KIF1C: variants seen among roughly 807,000 people sequenced by gnomAD.
KIF1C encodes the protein kinesin family member 1C.
In KIF1C, 61 loss-of-function variants were observed where a neutral mutation model predicts 126.5. The ratio of observed to expected loss-of-function variants is 0.48; its 90% CI spans 0.39 to 0.60. KIF1C has a LOEUF of 0.60. Among genes scored for constraint, KIF1C ranks in the 20% least tolerant of loss-of-function variants. The probability of loss-of-function intolerance (pLI) is 0.00; values close to 1 mark genes in which losing one functional copy is unlikely to be tolerated. For synonymous variants in KIF1C, 640 were observed against 580.6 expected (o/e 1.10, Z -1.47); for missense variants, 1,315 against 1,489.2 (o/e 0.88, Z 1.93).
rs1290364156 is a variant in KIF1C at position 5,023,031 on chromosome 17, T to A, written c.2628+322T>A. 6.6e-6 allele frequency among the ~76,000 whole-genome samples: 1 copy of A among 152,210 alleles called. No homozygotes were observed. The highest frequency in any genetic ancestry group is 2.4e-5 in the African/African-American group (1 of 41,446). On this transcript the variant is annotated intron_variant, in intron 22 of 22. Coordinates refer to ENST00000320785, the MANE Select transcript of KIF1C (RefSeq NM_006612.6). This position sits in a 1 kb window ranked among gnomAD's most constrained non-coding sequence, Gnocchi z 4.2. ...ATAAAGTTTGCAGTTTTGTTTTGTT[T>A]CTGAGGTGAAGTCTTGCTCTGTTGC...
chr17:5,022,352 C>A lies in KIF1C; in HGVS notation c.2271C>A (p.Tyr757Ter). 2 of 1,592,624 alleles carry A rather than the reference C, an allele frequency of 1.3e-6. No individual in the cohort carries two copies. The highest frequency in any genetic ancestry group is 1.7e-6 in the Non-Finnish European group (2 of 1,168,960). Residue 757 changes from tyrosine to a stop codon, truncating the protein, a stop_gained, in exon 22 of 23, where the codon TAC (tyrosine) becomes TAA (stop). Coordinates refer to ENST00000320785, the MANE Select transcript of KIF1C (RefSeq NM_006612.6). LOFTEE classifies it high-confidence loss of function. This position sits in a 1 kb window ranked among gnomAD's most constrained non-coding sequence, Gnocchi z 4.9. Reference protein sequence around the residue: ...LKMQAVKEICYEVALADFRHG... With the variant: ...LKMQAVKEIC The stretch of plus-strand genomic sequence containing the variant: ...TGCAGGCGGTGAAGGAGATCTGCTA[C>A]GAGGTGGCCCTGGCTGACTTCCGCC...
In KIF1C at chr17:5,022,108, G is replaced by A. The variant is rs1399120250; in HGVS notation, c.2027G>A (p.Ser676Asn). Residue 676 changes from serine (S) to asparagine (N), a missense_variant, in exon 22 of 23, where the codon AGC becomes AAC. Ser to Asn is a conservative substitution (Grantham distance 46, BLOSUM62 1). Transcript: ENST00000320785. The surrounding 1 kb of genome is among the most constrained non-coding windows in gnomAD (Gnocchi z 4.9). ...EQQRLYADSD[S>N]GDDSDKRSCE... Reference sequence around the variant, plus strand: ...TGGCCCCAGTATGCAGACTCGGACAGCGGGGATGACTCTGACAAGCGCTCT... The same window carrying A: ...TGGCCCCAGTATGCAGACTCGGACAACGGGGATGACTCTGACAAGCGCTCT... The A allele has an allele frequency of 1.2e-6, 2 of 1,606,402 alleles. No individual in the cohort carries two copies. The highest frequency in any genetic ancestry group is 2.7e-5 in the African/African-American group (2 of 74,802).
At chr17:5,009,119 A>G (rs1353972019) in intron 16 of KIF1C, among the ~76,000 whole-genome samples, 7 of 151,748 alleles carry the variant, frequency 4.6e-5, no homozygotes, top group Non-Finnish European at 7.4e-5. Context: ...ATAGAAAAAA[A>G]AAAAAAGTAA....
intron 16 of KIF1C, among the ~76,000 whole-genome samples, chr17:5,009,386 G>A (rs1324630402): frequency 2.6e-5 from 4 of 151,950 alleles, no homozygotes; most frequent in African/African-American, 7.2e-5. Flanking sequence ...CACTATGTTG[G>A]CCGGAGTGGT....
chr17:5,011,582 T>G (rs1171097519), intron 16 of KIF1C: 1 of 152,252 alleles, frequency 6.6e-6, no homozygotes, highest in Non-Finnish European at 1.5e-5. Flanking sequence ...GCTTTCTGCT[T>G]CCGGAGCCCA....
At chr17:5,012,507 G>A (rs1286102296) in intron 16 of KIF1C, among the ~76,000 whole-genome samples, 1 of 152,126 alleles carries the variant, frequency 6.6e-6, no homozygotes, top group Non-Finnish European at 1.5e-5. Context: ...GGCTTGGACA[G>A]ATGGACTGGA....
chr17:4,999,548 CCT>C (rs1375121647), intron 1 of KIF1C, among the ~76,000 whole-genome samples: 1 of 152,024 alleles, frequency 6.6e-6, no homozygotes, highest in East Asian at 1.9e-4. Flanking sequence ...CTCTGCCCCT[CCT>C]CTCTCTCTTC....
At chr17:5,004,387 C>A (rs540461059) in intron 11 of KIF1C, among the ~76,000 whole-genome samples, 180 bp from the exon 12 acceptor site, 1 of 152,314 alleles carries the variant, frequency 6.6e-6, no homozygotes, top group Non-Finnish European at 1.5e-5. Flanking sequence ...ATATATCTCC[C>A]TGACCTCATC....
Position 5,023,099 on chromosome 17 carries a change from C to A in KIF1C, c.2629-369C>A, listed in dbSNP as rs1975127921. On this transcript the variant is annotated intron_variant, in intron 22 of 22. Coordinates refer to ENST00000320785, the MANE Select transcript of KIF1C (RefSeq NM_006612.6). This position sits in a 1 kb window ranked among gnomAD's most constrained non-coding sequence, Gnocchi z 4.2. ...GCACAATCTCGGCTCACTGCAACTT[C>A]CGCCTCCCAGGTTCAAGCCATTCTC... Among the ~76,000 whole-genome samples the A allele has an allele frequency of 6.6e-6, 1 of 152,344 alleles. No individual in the cohort carries two copies. Among genetic ancestry groups the A allele is most frequent in the Non-Finnish European group, 1.5e-5 (1 of 68,020 alleles).
chr17:5,010,672 G>A (rs183992186), intron 16 of KIF1C, among the ~76,000 whole-genome samples: 7 of 151,084 alleles, frequency 4.6e-5, no homozygotes, highest in Middle Eastern at 3.4e-3. Flanking sequence ...GCGTGAACCC[G>A]GGAGGCGGAG....
Position 5,024,383 on chromosome 17 carries a change from C to T in KIF1C, c.*232C>T, listed in dbSNP as rs1282479500. 7.8e-6 allele frequency: 3 copies of T among 385,510 alleles called. No homozygotes were observed. Among genetic ancestry groups the T allele is most frequent in the Admixed American group, 4.4e-5 (1 of 22,626 alleles). The allele number at this position is 385,510 out of a possible 1,614,324, so 23.9% of individuals were successfully genotyped here. A position where few individuals can be genotyped will look rare whatever the true frequency, so the allele number is the denominator to read the frequency against. ...TGAAGAGAGAGATAGGAAGCTGCCTCGGGGCCACCCCTTGCAAAGGGGGTG... is the reference window on the plus strand; with the variant it reads ...TGAAGAGAGAGATAGGAAGCTGCCTTGGGGCCACCCCTTGCAAAGGGGGTG... On this transcript the variant is annotated 3_prime_UTR_variant, in exon 23 of 23. Coordinates refer to ENST00000320785, the MANE Select transcript of KIF1C (RefSeq NM_006612.6).
intron 18 of KIF1C, among the ~76,000 whole-genome samples, chr17:5,015,247 C>G (rs1567725645): frequency 6.6e-6 from 1 of 152,166 alleles, no homozygotes; most frequent in Non-Finnish European, 1.5e-5. Context: ...CTCTATCCAG[C>G]TATGACTGCC....
At chr17:5,003,970 T>A (rs1567721148) in intron 10 of KIF1C, 28 bp from the exon 11 acceptor site, 1 of 1,612,042 alleles carries the variant, frequency 6.2e-7, no homozygotes, top group Middle Eastern at 1.7e-4. Flanking sequence ...TGACCCACCC[T>A]AACCTCCTTC....
In KIF1C at chr17:5,020,013, C is replaced by A; in HGVS notation, c.1684C>A (p.Pro562Thr). The change falls in exon 19 of 23, where the codon CCT (proline) becomes ACT (threonine). Residue 562 changes from proline (P) to threonine (T), a missense_variant. Physicochemically the swap from Pro to Thr is conservative, Grantham distance 38. Around this residue, in one of 2 missense-constraint regions of KIF1C, gnomAD observed 874 missense variants for 1,053.2 expected, o/e 0.83. Coordinates refer to ENST00000320785, the MANE Select transcript of KIF1C (RefSeq NM_006612.6). The surrounding 1 kb of genome is among the most constrained non-coding windows in gnomAD (Gnocchi z 5.8). ...PDGEVVVTLEPCEGAETYVNG... is the reference protein window; with the variant it reads ...PDGEVVVTLETCEGAETYVNG... ...CCATTCAGTGGTGGTCACTCTGGAG[C>A]CTTGTGAAGGAGCTGAGACATATGT... is the stretch of plus-strand genomic sequence containing the variant. 6.2e-7 allele frequency: 1 copy of A among 1,604,824 alleles called. No homozygotes were observed. Among genetic ancestry groups the A allele is most frequent in the Non-Finnish European group, 8.5e-7 (1 of 1,175,546 alleles).
rs181358276 is a variant in KIF1C, at chr17:5,020,697, C to A, written c.1937+19C>A. The stretch of plus-strand genomic sequence containing the variant: ...AGAAGAGGTGCGAGGGGGTTACCCA[C>A]GTGCCCCATGGCCGTCTAGGCCGTC... On this transcript the variant is annotated intron_variant, in intron 20 of 22. Coordinates refer to ENST00000320785, the MANE Select transcript of KIF1C (RefSeq NM_006612.6). The surrounding 1 kb of genome is among the most constrained non-coding windows in gnomAD (Gnocchi z 5.8). 1.2e-6 allele frequency: 2 copies of A among 1,611,806 alleles called. No homozygotes were observed. Among genetic ancestry groups the A allele is most frequent in the African/African-American group, 1.3e-5 (1 of 74,882 alleles).
chr17:5,020,454 TG>T lies in KIF1C; in HGVS notation c.1751-35del, dbSNP rs1555571588. ...GGTGTAGGGATGGATTTGGTGCTGA[TG>T]GGAAGCGAGTTTACTTTTCCCTCCT... On this transcript the variant is annotated intron_variant, in intron 19 of 22. Transcript: ENST00000320785. This position sits in a 1 kb window ranked among gnomAD's most constrained non-coding sequence, Gnocchi z 5.8. 1.3e-6 allele frequency: 2 copies of T among 1,571,168 alleles called. No individual in the cohort carries two copies. Among genetic ancestry groups the T allele is most frequent in the Non-Finnish European group, 1.7e-6 (2 of 1,153,866 alleles).
In KIF1C at chr17:5,002,895, C is replaced by T. The variant is rs958791085; in HGVS notation, c.720+53C>T. 4.3e-6 allele frequency: 6 copies of T among 1,411,064 alleles called. No individual in the cohort carries two copies. The African/African-American group carries it at 8.6e-5, about 20-fold the overall frequency. The allele number at this position is 1,411,064 out of a possible 1,614,324, so 87.4% of individuals were successfully genotyped here. ...CACCGGATGCAACCTCCCCTGGCAA[C>T]AGGGACAGTGACATGGTAGAAGGGT... is the stretch of plus-strand genomic sequence containing the variant. On this transcript the variant is annotated intron_variant, in intron 8 of 22. Coordinates refer to ENST00000320785, the MANE Select transcript of KIF1C (RefSeq NM_006612.6).
intron 16 of KIF1C, among the ~76,000 whole-genome samples, chr17:5,012,982 C>T (rs938439448): frequency 6.6e-6 from 1 of 152,072 alleles, no homozygotes; most frequent in Admixed American, 6.6e-5. Context: ...CAGCCCCAGG[C>T]GGGTGCTGCA....
chr17:5,003,548 C>T (rs1820538797), intron 8 of KIF1C, 64 bp from the exon 9 acceptor site: 7 of 1,188,498 alleles, frequency 5.9e-6, no homozygotes, highest in Non-Finnish European at 8.5e-6. Context: ...CTGGGTGCTT[C>T]CCTGATTTCC....
Sources: allele counts gnomAD v4.1 joint callset (sites outside exome capture counted in the v4.1 genomes callset), GRCh38; gene constraint gnomAD v4.1.1; regional missense constraint gnomAD v4.1.1; non-coding constraint Gnocchi (gnomAD v3.1); transcripts MANE v1.5; gene names NCBI Gene and HGNC (gene_info 2026-07-23, HGNC 2026-07-21).